TRMT11: variants seen among roughly 807,000 people sequenced by gnomAD.
The protein encoded by TRMT11 is tRNA methyltransferase 11, also known as tRNA (guanine(10)-N(2))-methyltransferase TRMT11.
In TRMT11, 53 loss-of-function variants were observed where a neutral mutation model predicts 62.8. The observed-to-expected ratio is 0.84, with a 90% CI of 0.68 to 1.06. The LOEUF is 1.06. TRMT11 is among the 50% of genes least tolerant of loss of function. The pLI is 0.00. For missense variants in TRMT11, 556 were observed against 553.4 expected, an observed-to-expected ratio of 1.00 and a Z score of -0.05; for synonymous variants, 188 against 190.3, an observed-to-expected ratio of 0.99 and a Z score of 0.10.
chr6:126,026,802 G>GTTTT (rs1222722212), intron 12 of TRMT11, among the ~76,000 whole-genome samples: 27 of 121,728 alleles, frequency 2.2e-4, no homozygotes, highest in African/African-American at 7.2e-4. Context: ...GGTTTTTTGG[G>GTTTT]TTTTTTTTTT....
At position 126,038,739 on chromosome 6, in the gene TRMT11, A is replaced by G. The variant is rs1004681518; in HGVS notation, c.1295A>G (p.His432Arg). 1.9e-6 allele frequency: 3 copies of G among 1,597,672 alleles called. No individual in the cohort carries two copies. Among genetic ancestry groups the G allele is most frequent in the Non-Finnish European group, 2.6e-6 (3 of 1,174,008 alleles). ...CAGTATTCACATCTGCTAAGTGATC[A>G]TTTTCTGCCATACCAAGGTCATAAT... ...RDQYSHLLSD[H>R]FLPYQGHNSF... Residue 432 changes from histidine (H) to arginine (R), a missense_variant, in exon 13 of 13, where the codon CAT (histidine) becomes CGT (arginine). Physicochemically the swap from His to Arg is conservative, Grantham distance 29 (BLOSUM62 0). Transcript: ENST00000334379.
chr6:125,993,618 G>T, intron 1 of TRMT11, 139 bp from the exon 2 acceptor site: 59 of 420,744 alleles, frequency 1.4e-4, no homozygotes, highest in Non-Finnish European at 1.7e-4. Flanking sequence ...AATTGTAATT[G>T]TCTGATGTTG....
At chr6:126,145,784 C>G (rs923574196) in intron 21 of TRMT11, among the ~76,000 whole-genome samples, 2 of 152,136 alleles carry the variant, frequency 1.3e-5, no homozygotes, top group African/African-American at 4.8e-5. Flanking sequence ...CTCTCTATTT[C>G]TCCCATTCAG....
the TRMT11 span, among the ~76,000 whole-genome samples, chr6:126,246,436 A>G: frequency 1.3e-5 from 2 of 152,234 alleles, no homozygotes; most frequent in Non-Finnish European, 2.9e-5. Flanking sequence ...ATCTGGATGG[A>G]AAAGTAAAAC....
intron 21 of TRMT11, among the ~76,000 whole-genome samples, chr6:126,171,605 G>A (rs1248139907): frequency 6.6e-6 from 1 of 152,036 alleles, no homozygotes; most frequent in Non-Finnish European, 1.5e-5. Flanking sequence ...ACTGGGGAGG[G>A]AATAGTCATA....
At chr6:126,204,569 CTG>C (rs561269003), downstream of TRMT11, among the ~76,000 whole-genome samples, 3,724 of 152,302 alleles carry the variant, frequency 0.024, 72 homozygotes, top group Middle Eastern at 0.065. Context: ...TAAAATCAGC[CTG>C]TCTGTACTTA....
chr6:126,109,660 G>A lies in TRMT11; in HGVS notation c.*1438-3206G>A, dbSNP rs1176638542. Among the ~76,000 whole-genome samples, 3 of 152,144 alleles carry A rather than the reference G, an allele frequency of 2.0e-5. No individual in the cohort carries two copies. In the South Asian group the frequency reaches 6.2e-4, roughly 32 times the overall value. ...TCAAGTCCATTGCTTAAGAAGCTTT[G>A]GGTATTCTGAAAAAGCTAACTTCCT... On this transcript the variant is annotated intron_variant and NMD_transcript_variant, in intron 17 of 22. Coordinates refer to the TRMT11 transcript ENST00000648977.
chr6:126,016,701 A>ATTT (rs11424732), intron 11 of TRMT11, among the ~76,000 whole-genome samples: 2,404 of 146,906 alleles, frequency 0.016, 48 homozygotes, highest in East Asian at 0.043. Flanking sequence ...TGTTTTAGGG[A>ATTT]TTTTTTTTTT....
At chr6:126,099,996 G>A (rs1033162221) in intron 17 of TRMT11, among the ~76,000 whole-genome samples, 2 of 152,110 alleles carry the variant, frequency 1.3e-5, no homozygotes, top group African/African-American at 4.8e-5. Flanking sequence ...CAGCAGCCTG[G>A]GTGGAGTATG....
chr6:126,144,010 A>G (rs2128217129), intron 21 of TRMT11, among the ~76,000 whole-genome samples: 1 of 152,322 alleles, frequency 6.6e-6, no homozygotes. Flanking sequence ...TTAGTTTTTA[A>G]TGATCTTTTG....
At chr6:126,227,361 TC>T in the TRMT11 span, among the ~76,000 whole-genome samples, 1 of 152,128 alleles carries the variant, frequency 6.6e-6, no homozygotes, top group Non-Finnish European at 1.5e-5. Context: ...ACCTTGGTAT[TC>T]CAGGATTCGA....
intron 1 of TRMT11, among the ~76,000 whole-genome samples, chr6:125,992,294 C>G (rs1790752906): frequency 6.6e-6 from 1 of 152,122 alleles, no homozygotes; most frequent in African/African-American, 2.4e-5. Flanking sequence ...TAGCTTGTTG[C>G]AGCTTTTTAA....
the TRMT11 span, among the ~76,000 whole-genome samples, chr6:126,248,432 C>T: frequency 6.6e-6 from 1 of 151,888 alleles, no homozygotes; most frequent in Non-Finnish European, 1.5e-5. Flanking sequence ...TTTTCTGTAA[C>T]TGCATGATTA....
intron 11 of TRMT11, among the ~76,000 whole-genome samples, chr6:126,018,695 T>A (rs1795349071): frequency 6.6e-6 from 1 of 151,874 alleles, no homozygotes; most frequent in Non-Finnish European, 1.5e-5. Flanking sequence ...TAAGGATGAT[T>A]TAGTTTTTAA....
chr6:126,007,586 C>G (rs573084631), intron 7 of TRMT11, among the ~76,000 whole-genome samples: 2 of 151,922 alleles, frequency 1.3e-5, no homozygotes, highest in East Asian at 3.9e-4. Flanking sequence ...TAATTGTGTA[C>G]AATTTTTTCT....
chr6:126,183,387 T>C (rs1778489968), intron 1 of TRMT11, among the ~76,000 whole-genome samples: 2 of 152,036 alleles, frequency 1.3e-5, no homozygotes, highest in African/African-American at 2.4e-5. Flanking sequence ...GGGTGAGAGT[T>C]TTCAGGAGTG....
At chr6:126,059,207 C>T (rs1252138820) in intron 17 of TRMT11, among the ~76,000 whole-genome samples, 1 of 152,002 alleles carries the variant, frequency 6.6e-6, no homozygotes, top group Non-Finnish European at 1.5e-5. Flanking sequence ...TATTAGGACA[C>T]TTAGTCTCCC....
chr6:126,069,426 G>T (rs887793148), intron 17 of TRMT11, among the ~76,000 whole-genome samples: 1 of 151,932 alleles, frequency 6.6e-6, no homozygotes, highest in Non-Finnish European at 1.5e-5. Context: ...AATCATTTTG[G>T]TGTCTCTGGT....
chr6:126,214,490 C>T, the TRMT11 span, among the ~76,000 whole-genome samples: 1 of 151,886 alleles, frequency 6.6e-6, no homozygotes, highest in Non-Finnish European at 1.5e-5. Context: ...GCACTTTATT[C>T]ATTTCTTCTA....
Sources: gnomAD v4.1 joint callset for allele counts (sites outside exome capture counted in the v4.1 genomes callset) on GRCh38, gnomAD v4.1.1 for gene constraint, MANE v1.5 for transcripts, NCBI Gene and HGNC (gene_info 2026-07-23, HGNC 2026-07-21) for gene names.